C2CD5: variants seen among roughly 807,000 people sequenced by gnomAD.
C2CD5 encodes C2 calcium dependent domain containing 5.
C2CD5 carries 109 observed loss-of-function variants against 130.3 expected under a neutral mutation model. The observed-to-expected ratio is 0.84, with a 90% CI of 0.72 to 0.98. The LOEUF is 0.98. Ranked by LOEUF, C2CD5 falls within the 50% of genes least tolerant of loss-of-function variation. C2CD5 has a pLI of 0.00. For missense variants in C2CD5, 996 were observed against 1,261.8 expected, an observed-to-expected ratio of 0.79 and a Z score of 3.19; for synonymous variants, 454 against 429.2, an observed-to-expected ratio of 1.06 and a Z score of -0.71.
At chr12:22,515,790 C>T (rs934612232) in intron 8 of C2CD5, among the ~76,000 whole-genome samples, 3 of 151,772 alleles carry the variant, frequency 2.0e-5, no homozygotes, top group Non-Finnish European at 2.9e-5. Flanking sequence ...TTTACAGAGA[C>T]GTGAGTACCC....
intron 8 of C2CD5, among the ~76,000 whole-genome samples, chr12:22,516,144 T>C (rs192819505): frequency 6.6e-6 from 1 of 151,888 alleles, no homozygotes; most frequent in African/African-American, 2.4e-5. Context: ...TCTCTGTCCA[T>C]TATTTCTCAA....
At chr12:22,460,408 T>C (rs902587247) in intron 22 of C2CD5, 1 of 152,196 alleles carries the variant, frequency 6.6e-6, no homozygotes, top group Non-Finnish European at 1.5e-5. Context: ...ATAGTTTAAG[T>C]ATAGATAGAT....
intron 4 of C2CD5, among the ~76,000 whole-genome samples, chr12:22,527,096 A>C (rs1390412608): frequency 1.3e-5 from 2 of 152,228 alleles, no homozygotes; most frequent in East Asian, 3.8e-4. Context: ...AAAACTTTTA[A>C]GTAACTTTTA....
intron 2 of C2CD5, among the ~76,000 whole-genome samples, chr12:22,540,160 A>G (rs1301435634): frequency 1.3e-5 from 2 of 152,230 alleles, no homozygotes; most frequent in Non-Finnish European, 2.9e-5. Context: ...TTGAAAAATC[A>G]GATAACCAAT....
chr12:22,478,093 G>A lies in C2CD5; in HGVS notation c.1902+220C>T, dbSNP rs1944133559. ...AACAATAAAAGAGGGAAAAGTCATA[G>A]GAAGTGGCAAAAATGAAGTCACAAT... On this transcript the variant is annotated intron_variant, in intron 15 of 26. Coordinates refer to ENST00000446597, the MANE Select transcript of C2CD5 (RefSeq NM_001286176.2). The A allele has an allele frequency of 9.9e-6, 5 of 505,940 alleles. No homozygotes were observed. The East Asian group carries it at 1.8e-4, about 18-fold the overall frequency. The allele number at this position is 505,940 out of a possible 1,614,324, so 31.3% of individuals were successfully genotyped here.
At chr12:22,459,308 A>T (rs1565646146) in intron 23 of C2CD5, among the ~76,000 whole-genome samples, 184 bp downstream of exon 23, 2 of 152,106 alleles carry the variant, frequency 1.3e-5, no homozygotes. Flanking sequence ...ATACTAAAAA[A>T]TTTAAATATT....
chr12:22,526,599 T>C (rs1439502431), intron 4 of C2CD5, among the ~76,000 whole-genome samples: 1 of 151,992 alleles, frequency 6.6e-6, no homozygotes, highest in African/African-American at 2.4e-5. Flanking sequence ...AAGCCAGGAG[T>C]AGTGGCTCAT....
intron 3 of C2CD5, among the ~76,000 whole-genome samples, chr12:22,530,111 T>TACACACACACAC (rs199603129): frequency 2.3e-5 from 2 of 87,554 alleles, no homozygotes; most frequent in African/African-American, 1.3e-4. Context: ...TATATATATA[T>TACACACACACAC]ACACACACAC....
chr12:22,531,890 A>G (rs1416607036), intron 3 of C2CD5, among the ~76,000 whole-genome samples: 1 of 152,170 alleles, frequency 6.6e-6, no homozygotes. Flanking sequence ...AGCTTTTCAA[A>G]CTGCAGTTCT....
rs748229020 is a variant in C2CD5, at chr12:22,470,848, G to A, written c.2422C>T (p.Pro808Ser). 1.9e-6 allele frequency: 3 copies of A among 1,610,792 alleles called. No individual in the cohort carries two copies. The highest frequency in any genetic ancestry group is 2.2e-5 in the East Asian group (1 of 44,834). Reference protein sequence around the residue: ...KNQALQTTKTPVEKSLQRAST... With the variant: ...KNQALQTTKTSVEKSLQRAST... The stretch of plus-strand genomic sequence containing the variant: ...CCTCTTTGCAATGACTTTTCAACAG[G>A]GGTTTTTGTGGTTTGTAAAGCCTGA... The change falls in exon 21 of 27, where the codon CCT becomes TCT. Residue 808 changes from proline (P) to serine (S), a missense_variant. Physicochemically the swap from Pro to Ser is moderately conservative, Grantham distance 74. Transcript: ENST00000446597.
intron 1 of C2CD5, 42 bp from the exon 2 acceptor site, chr12:22,544,221 G>C: frequency 1.3e-6 from 2 of 1,499,724 alleles, no homozygotes; most frequent in South Asian, 2.3e-5. Flanking sequence ...GCGCGGGGCC[G>C]GCGGGAGAGG....
intron 10 of C2CD5, among the ~76,000 whole-genome samples, chr12:22,504,591 A>C (rs1948249938): frequency 6.6e-6 from 1 of 152,226 alleles, no homozygotes; most frequent in Admixed American, 6.5e-5. Flanking sequence ...TACAGGCGTG[A>C]GCCTCCGTGC....
intron 4 of C2CD5, among the ~76,000 whole-genome samples, chr12:22,526,624 T>G (rs1350922848): frequency 6.6e-6 from 1 of 152,072 alleles, no homozygotes; most frequent in Non-Finnish European, 1.5e-5. Flanking sequence ...GTAATCTCAG[T>G]GCTTTGGGAG....
At chr12:22,542,028 CCTGA>C (rs1440667433) in intron 2 of C2CD5, among the ~76,000 whole-genome samples, 1 of 152,174 alleles carries the variant, frequency 6.6e-6, no homozygotes, top group Non-Finnish European at 1.5e-5. Context: ...GTTATCAAGG[CCTGA>C]CTATTTTAAC....
chr12:22,474,802 T>C lies in C2CD5; in HGVS notation c.1992A>G (p.Glu664=). The C allele has an allele frequency of 1.2e-6, 2 of 1,610,884 alleles. No individual in the cohort carries two copies. Among genetic ancestry groups the C allele is most frequent in the South Asian group, 2.2e-5 (2 of 90,548 alleles). The change falls in exon 16 of 27, where the codon GAA becomes GAG. Residue 664 remains glutamate (E), a synonymous_variant. Transcript: ENST00000446597. The part of the protein sequence containing the change: ...LLRSQSESSD[E]VTELDLSHGK... ...CATGTGAAAGGTCTAATTCTGTAAC[T>C]TCATCCGAGCTTTCTGATTGAGATC...
chr12:22,468,354 G>A (rs1206730386), intron 22 of C2CD5, among the ~76,000 whole-genome samples: 13 of 152,044 alleles, frequency 8.6e-5, no homozygotes, highest in African/African-American at 3.1e-4. Flanking sequence ...ACGGAGCTAG[G>A]ATCACAGGTG....
intron 6 of C2CD5, 82 bp downstream of exon 6, chr12:22,524,390 G>A: frequency 1.8e-6 from 2 of 1,127,072 alleles, no homozygotes; most frequent in Non-Finnish European, 2.6e-6. Flanking sequence ...TCATTGTAAA[G>A]TTGAGGTAGC....
chr12:22,473,208 G>T (rs1391071731), intron 16 of C2CD5, among the ~76,000 whole-genome samples: 1 of 152,024 alleles, frequency 6.6e-6, no homozygotes, highest in African/African-American at 2.4e-5. Context: ...CTAATAATAG[G>T]TCTAAACTCT....
intron 10 of C2CD5, among the ~76,000 whole-genome samples, chr12:22,503,290 G>A (rs577683559): frequency 1.5e-4 from 23 of 152,234 alleles, no homozygotes; most frequent in African/African-American, 4.3e-4. Flanking sequence ...CCATCGTTAA[G>A]TCTCCCTCAG....
Sources: allele counts gnomAD v4.1 joint callset (sites outside exome capture counted in the v4.1 genomes callset), GRCh38; gene constraint gnomAD v4.1.1; transcripts MANE v1.5; gene names NCBI Gene and HGNC (gene_info 2026-07-23, HGNC 2026-07-21).